The following CCDC30 variants were observed in gnomAD, a reference collection of about 807,000 sequenced individuals.
The protein encoded by CCDC30 is coiled-coil domain containing 30.
Under a neutral mutation model 100.2 loss-of-function variants are expected in CCDC30, and 70 were observed. The ratio of observed to expected loss-of-function variants is 0.70; its 90% CI spans 0.58 to 0.85. The LOEUF (loss-of-function observed/expected upper bound fraction) is 0.85, where lower values mean the gene tolerates loss of function less well. Ranked by LOEUF, CCDC30 falls within the 40% of genes least tolerant of loss-of-function variation. The probability of loss-of-function intolerance (pLI) is 0.00; values close to 1 mark genes in which losing one functional copy is unlikely to be tolerated. For synonymous variants in CCDC30, 233 were observed against 269.5 expected, an observed-to-expected ratio of 0.86 and a Z score of 1.33; for missense variants, 652 against 771.2, an observed-to-expected ratio of 0.85 and a Z score of 1.83.
At chr1:42,465,300 G>A (rs555358701) in intron 1 of CCDC30, among the ~76,000 whole-genome samples, 19 of 152,110 alleles carry the variant, frequency 1.2e-4, no homozygotes, top group Non-Finnish European at 2.4e-4. Context: ...TACAGAGTGA[G>A]ACCCTGTCTC....
intron 1 of CCDC30, among the ~76,000 whole-genome samples, chr1:42,471,091 GA>G (rs1643755725): frequency 6.6e-6 from 1 of 152,208 alleles, no homozygotes; most frequent in South Asian, 2.1e-4. Flanking sequence ...GTGTAGCCAT[GA>G]GGATGGGCAG....
chr1:42,515,779 A>G (rs1380028526), intron 6 of CCDC30, among the ~76,000 whole-genome samples: 2 of 152,206 alleles, frequency 1.3e-5, no homozygotes, highest in Non-Finnish European at 2.9e-5. Context: ...ACTACTCTAG[A>G]TATTTCATAT....
Position 42,596,462 on chromosome 1 carries a change from C to T in CCDC30, c.1164+6979C>T, listed in dbSNP as rs922894236. Among the ~76,000 whole-genome samples the T allele has an allele frequency of 4.6e-5, 7 of 151,826 alleles. No individual in the cohort carries two copies. Among genetic ancestry groups the T allele is most frequent in the Non-Finnish European group, 1.0e-4 (7 of 67,988 alleles). ...TTTTGTCAGAGTCTAACAGACCTAGCGGAATAGAAATATCCAACTCCAGCC... is the reference window on the plus strand; with the variant it reads ...TTTTGTCAGAGTCTAACAGACCTAGTGGAATAGAAATATCCAACTCCAGCC... On this transcript the variant is annotated intron_variant, in intron 10 of 16. Coordinates refer to ENST00000668663, the Ensembl canonical transcript of CCDC30. This position sits in a 1 kb window ranked among gnomAD's most constrained non-coding sequence, Gnocchi z 4.3.
At chr1:42,491,873 A>C (rs903992640) in intron 4 of CCDC30, 10 of 412,948 alleles carry the variant, frequency 2.4e-5, no homozygotes, top group Non-Finnish European at 4.5e-5. Flanking sequence ...GAAATATTGG[A>C]GAGACGCTAG....
intron 7 of CCDC30, among the ~76,000 whole-genome samples, chr1:42,574,323 C>A (rs1645791110): frequency 6.6e-6 from 1 of 151,474 alleles, no homozygotes. Flanking sequence ...TTTTTTGCAT[C>A]AACTTTGTTA....
intron 9 of CCDC30, 56 bp from the exon 14 acceptor site, chr1:42,589,265 G>A: frequency 7.1e-7 from 1 of 1,405,976 alleles, no homozygotes; most frequent in Non-Finnish European, 9.6e-7. Context: ...AAAATTTTAG[G>A]TCTGAATTTC....
chr1:42,571,556 A>G (rs887628659), intron 7 of CCDC30, among the ~76,000 whole-genome samples: 1 of 152,140 alleles, frequency 6.6e-6, no homozygotes, highest in African/African-American at 2.4e-5. Context: ...GGTTTTTACT[A>G]GAAAAATAGG....
At chr1:42,563,812 G>C (rs1031791848) in intron 6 of CCDC30, among the ~76,000 whole-genome samples, 2 of 152,038 alleles carry the variant, frequency 1.3e-5, no homozygotes, top group Non-Finnish European at 2.9e-5. Flanking sequence ...AGGAGGCGGA[G>C]GTTGTGGTGA....
chr1:42,589,264 G>A, intron 9 of CCDC30, 57 bp from the exon 14 acceptor site: 2 of 1,400,080 alleles, frequency 1.4e-6, no homozygotes, highest in East Asian at 2.3e-5. Context: ...AAAAATTTTA[G>A]GTCTGAATTT....
At chr1:42,529,895 A>G (rs991546208) in intron 6 of CCDC30, among the ~76,000 whole-genome samples, 3 of 152,246 alleles carry the variant, frequency 2.0e-5, no homozygotes, top group Non-Finnish European at 2.9e-5. Flanking sequence ...AGTCAACTGC[A>G]GACTGAAAAT....
At chr1:42,512,335 C>T (rs2148492879) in intron 6 of CCDC30, among the ~76,000 whole-genome samples, 1 of 152,142 alleles carries the variant, frequency 6.6e-6, no homozygotes, top group Admixed American at 6.5e-5. Flanking sequence ...ATTTGGGGGC[C>T]CATTCCCAAC....
At chr1:42,638,671 C>T (rs571167898) in intron 12 of CCDC30, among the ~76,000 whole-genome samples, 25 of 151,720 alleles carry the variant, frequency 1.6e-4, no homozygotes, top group South Asian at 1.5e-3. Flanking sequence ...GTCAGGAGTT[C>T]GAGACTAGCC....
chr1:42,538,768 C>T (rs1221699559), intron 6 of CCDC30, among the ~76,000 whole-genome samples: 1 of 152,126 alleles, frequency 6.6e-6, no homozygotes, highest in Non-Finnish European at 1.5e-5. Flanking sequence ...GTTGTCAGAA[C>T]ATTAAAGGTA....
At chr1:42,512,483 A>G (rs1644493335) in intron 6 of CCDC30, among the ~76,000 whole-genome samples, 1 of 152,292 alleles carries the variant, frequency 6.6e-6, no homozygotes, top group East Asian at 1.9e-4. Context: ...GAAAATCACA[A>G]CAGCATTCCC....
intron 6 of CCDC30, among the ~76,000 whole-genome samples, chr1:42,550,124 G>A (rs182345588): frequency 2.1e-4 from 32 of 152,158 alleles, no homozygotes; most frequent in African/African-American, 7.0e-4. Flanking sequence ...CCAAAACCTA[G>A]GAGTCACCTT....
At chr1:42,649,002 A>C (rs1648115588) in intron 15 of CCDC30, among the ~76,000 whole-genome samples, 1 of 152,202 alleles carries the variant, frequency 6.6e-6, no homozygotes, top group Non-Finnish European at 1.5e-5. Flanking sequence ...AACCATGAAG[A>C]AATAGAAAAC....
intron 6 of CCDC30, among the ~76,000 whole-genome samples, chr1:42,552,096 T>C (rs1005062800): frequency 1.3e-5 from 2 of 152,148 alleles, no homozygotes; most frequent in Non-Finnish European, 2.9e-5. Context: ...AGCATTTATT[T>C]TCATGGATTC....
chr1:42,545,665 G>A (rs1284210977), intron 6 of CCDC30, 86 bp downstream of exon 9: 15 of 1,258,464 alleles, frequency 1.2e-5, no homozygotes, highest in East Asian at 5.3e-5. Context: ...TTTGACATTC[G>A]GCTGGGTGCA....
intron 14 of CCDC30, among the ~76,000 whole-genome samples, chr1:42,645,073 G>C (rs371840963): frequency 2.0e-5 from 3 of 152,204 alleles, no homozygotes; most frequent in Admixed American, 6.5e-5. Context: ...TTAATACACT[G>C]TATTGTCATT....
Sources: allele counts gnomAD v4.1 joint callset (sites outside exome capture counted in the v4.1 genomes callset), GRCh38; gene constraint gnomAD v4.1.1; non-coding constraint Gnocchi (gnomAD v3.1); transcripts MANE v1.5; gene names NCBI Gene and HGNC (gene_info 2026-07-23, HGNC 2026-07-21).